The following ADGRB3 variants were observed in gnomAD, a reference collection of about 807,000 sequenced individuals.
The protein encoded by ADGRB3 is adhesion G protein-coupled receptor B3, also known as brain-specific angiogenesis inhibitor 3.
In ADGRB3, 37 loss-of-function variants were observed where a neutral mutation model predicts 193.4. That is an observed-to-expected ratio of 0.19 (90% CI 0.15 to 0.25). The LOEUF (loss-of-function observed/expected upper bound fraction) is 0.25, where lower values mean the gene tolerates loss of function less well. Ranked by LOEUF, ADGRB3 falls within the 10% of genes least tolerant of loss-of-function variation. ADGRB3 has a pLI of 1.00. For synonymous variants in ADGRB3, 690 were observed against 644.2 expected (o/e 1.07, Z -1.08); for missense variants, 1,637 against 1,852.9 (o/e 0.88, Z 2.14).
chr6:69,044,365 T>C (rs1363359847), intron 13 of ADGRB3, among the ~76,000 whole-genome samples: 2 of 152,194 alleles, frequency 1.3e-5, no homozygotes, highest in Non-Finnish European at 2.9e-5. Context: ...CCAGGATGAA[T>C]AAGACAGACT....
At chr6:68,770,910 TTA>T (rs1313542795) in intron 3 of ADGRB3, among the ~76,000 whole-genome samples, 5 of 152,218 alleles carry the variant, frequency 3.3e-5, no homozygotes, top group African/African-American at 9.6e-5. Flanking sequence ...CAGAAAATAT[TTA>T]TGAGTTCCTT....
rs191934133 is a variant in ADGRB3 at position 68,640,198 on chromosome 6, G to A, written c.757+766G>A. Among the ~76,000 whole-genome samples the A allele has an allele frequency of 2.9e-3, 438 of 152,220 alleles. 3 individuals carry two copies. The highest frequency in any genetic ancestry group is 0.01 in the African/African-American group (423 of 41,532). ...AAGACCCCATCCTCCTCTTGAGAGT[G>A]AATTTTTGCCTTTATCTTCTTAGTC... On this transcript the variant is annotated intron_variant, in intron 3 of 31. Coordinates refer to ENST00000370598, the MANE Select transcript of ADGRB3 (RefSeq NM_001704.3).
At chr6:68,950,903 A>T (rs1447794652) in intron 6 of ADGRB3, among the ~76,000 whole-genome samples, 1 of 152,106 alleles carries the variant, frequency 6.6e-6, no homozygotes, top group Non-Finnish European at 1.5e-5. Context: ...TGTAAATTCT[A>T]TCTTATCACT....
intron 3 of ADGRB3, among the ~76,000 whole-genome samples, chr6:68,672,083 T>C (rs1048187588): frequency 2.6e-5 from 4 of 152,084 alleles, no homozygotes. Flanking sequence ...AATGATCTTT[T>C]GAATTTCTGC....
intron 3 of ADGRB3, among the ~76,000 whole-genome samples, chr6:68,725,362 C>T (rs1360260731): frequency 6.6e-6 from 1 of 151,572 alleles, no homozygotes; most frequent in Non-Finnish European, 1.5e-5. Context: ...CAGGCAATAA[C>T]CCTGAAAATT....
chr6:68,866,749 C>A (rs548259779), intron 3 of ADGRB3, among the ~76,000 whole-genome samples: 5 of 152,150 alleles, frequency 3.3e-5, no homozygotes, highest in Non-Finnish European at 2.9e-5. Flanking sequence ...GGAACTGGAG[C>A]AAAGGTCACT....
chr6:69,012,788 G>A (rs1769974566), intron 11 of ADGRB3, among the ~76,000 whole-genome samples: 1 of 152,060 alleles, frequency 6.6e-6, no homozygotes, highest in Non-Finnish European at 1.5e-5. Flanking sequence ...AAGCAGCTTT[G>A]TTTTTCATTT....
intron 17 of ADGRB3, among the ~76,000 whole-genome samples, chr6:69,164,382 G>A (rs1193353756): frequency 1.3e-5 from 2 of 151,836 alleles, no homozygotes; most frequent in Admixed American, 1.3e-4. Flanking sequence ...AAAAAAAAAA[G>A]CTTACAAAGG....
chr6:69,221,846 A>G (rs1765904834), intron 17 of ADGRB3, among the ~76,000 whole-genome samples: 1 of 152,146 alleles, frequency 6.6e-6, no homozygotes, highest in South Asian at 2.1e-4. Context: ...ATGCCAGAAT[A>G]TATGAATTCT....
chr6:69,035,323 C>G (rs1770835363), intron 13 of ADGRB3, among the ~76,000 whole-genome samples: 1 of 150,980 alleles, frequency 6.6e-6, no homozygotes, highest in Non-Finnish European at 1.5e-5. Context: ...TCAGTTCTCC[C>G]TATTTTGAAA....
chr6:68,695,825 T>C (rs1444580520), intron 3 of ADGRB3, among the ~76,000 whole-genome samples: 1 of 151,936 alleles, frequency 6.6e-6, no homozygotes, highest in Admixed American at 6.6e-5. Context: ...AAATAGACAA[T>C]CTCGGTGTCA....
At chr6:69,066,377 A>G (rs998119020) in intron 16 of ADGRB3, among the ~76,000 whole-genome samples, 1 of 151,928 alleles carries the variant, frequency 6.6e-6, no homozygotes, top group African/African-American at 2.4e-5. Context: ...GCCATGTGAA[A>G]AAAAAAAGGA....
At chr6:69,126,486 C>G (rs1308356469) in intron 17 of ADGRB3, among the ~76,000 whole-genome samples, 3 of 152,098 alleles carry the variant, frequency 2.0e-5, no homozygotes, top group Non-Finnish European at 4.4e-5. Flanking sequence ...CTGTGCAAGT[C>G]CTGGAGTTAA....
intron 14 of ADGRB3, 52 bp from the exon 15 acceptor site, chr6:69,049,219 G>C: frequency 7.6e-7 from 1 of 1,318,288 alleles, no homozygotes; most frequent in Non-Finnish European, 1.1e-6. Context: ...AGTTTTATAA[G>C]ACATAGTATT....
chr6:68,909,713 T>C (rs1200373200), intron 3 of ADGRB3, among the ~76,000 whole-genome samples: 1 of 152,186 alleles, frequency 6.6e-6, no homozygotes, highest in Non-Finnish European at 1.5e-5. Context: ...ATGGTTCCTA[T>C]CACTCTTTTC....
At chr6:69,094,338 A>G (rs2150318739) in intron 17 of ADGRB3, among the ~76,000 whole-genome samples, 1 of 152,348 alleles carries the variant, frequency 6.6e-6, no homozygotes, top group East Asian at 1.9e-4. Flanking sequence ...ACTTGTAATA[A>G]TTGAAATGAT....
chr6:68,922,686 GA>G (rs1767077837), intron 3 of ADGRB3, among the ~76,000 whole-genome samples: 1 of 152,126 alleles, frequency 6.6e-6, no homozygotes, highest in Non-Finnish European at 1.5e-5. Context: ...GCAGGAGGAG[GA>G]AACAGGTGCA....
At chr6:68,924,165 T>C (rs1767118361) in intron 3 of ADGRB3, among the ~76,000 whole-genome samples, 1 of 152,066 alleles carries the variant, frequency 6.6e-6, no homozygotes, top group Admixed American at 6.6e-5. Context: ...AAGAATTCAG[T>C]AGTTGTCTCA....
At chr6:68,807,338 A>ACGC (rs1203171748) in intron 3 of ADGRB3, among the ~76,000 whole-genome samples, 1 of 140,744 alleles carries the variant, frequency 7.1e-6, no homozygotes, top group Admixed American at 7.9e-5. Context: ...CGCGGGGTTC[A>ACGC]CGCCATTCTC....
Sources: gnomAD v4.1 joint callset for allele counts (sites outside exome capture counted in the v4.1 genomes callset) on GRCh38, gnomAD v4.1.1 for gene constraint, MANE v1.5 for transcripts, NCBI Gene and HGNC (gene_info 2026-07-23, HGNC 2026-07-21) for gene names.